Variants in EPPK1 observed in about 807,000 individuals in gnomAD.
The protein encoded by EPPK1 is epiplakin 1.
For missense variants in EPPK1, 3,823 were observed against 3,673.3 expected (o/e 1.04, Z -1.05); for synonymous variants, 1,862 against 1,721.2 (o/e 1.08, Z -2.03).
At position 143,867,619 on chromosome 8, in the gene EPPK1, C is replaced by G. The variant is rs782312316; in HGVS notation, c.5635G>C (p.Gly1879Arg). The G allele has an allele frequency of 6.2e-7, 1 of 1,613,308 alleles. No individual in the cohort carries two copies. The highest frequency in any genetic ancestry group is 1.7e-5 in the Admixed American group (1 of 60,028). The part of the protein sequence containing the change: ...TLHTLRVGRT[G>R]GQALSTLECV... The stretch of plus-strand genomic sequence containing the variant: ...TCCAGCGTGCTGAGTGCCTGTCCCC[C>G]AGTCCTCCCCACACGAAGTGTGTGC... The change falls in exon 2 of 2, where the codon GGG becomes CGG. Residue 1879 changes from glycine (G) to arginine (R), a missense_variant. Transcript: ENST00000615648.
intron 1 of EPPK1, among the ~76,000 whole-genome samples, chr8:143,878,125 CT>C (rs1436774128): frequency 6.6e-6 from 1 of 152,112 alleles, no homozygotes; most frequent in Non-Finnish European, 1.5e-5. Context: ...ACCCCCGCCC[CT>C]GGCCGCCTCT....
rs782022570 is a variant in EPPK1 at position 143,870,328 on chromosome 8, G to A, written c.2926C>T (p.Pro976Ser). 13 of 1,561,542 alleles carry A rather than the reference G, an allele frequency of 8.3e-6. No individual in the cohort carries two copies. Among genetic ancestry groups the A allele is most frequent in the Middle Eastern group, 3.4e-4 (2 of 5,832 alleles). The change falls in exon 2 of 2, where the codon CCT (proline) becomes TCT (serine). Residue 976 changes from proline to serine, a missense_variant. By Grantham distance (74) the Pro-to-Ser change is moderately conservative. Coordinates refer to ENST00000615648, the MANE Select transcript of EPPK1 (RefSeq NM_031308.4). The surrounding 1 kb of genome is among the most constrained non-coding windows in gnomAD (Gnocchi z 5.2). Reference sequence around the variant, plus strand: ...ACCGAGAGGCTCTCTGGGCTGTGAGGGTCCATGATGGTTCCGGTGGCCGCC... The same window carrying A: ...ACCGAGAGGCTCTCTGGGCTGTGAGAGTCCATGATGGTTCCGGTGGCCGCC... The part of the protein sequence containing the change: ...AQAATGTIMD[P>S]HSPESLSVDE...
chr8:143,869,462 C>G lies in EPPK1; in HGVS notation c.3792G>C (p.Gln1264His), dbSNP rs1586693906. The G allele has an allele frequency of 6.4e-7, 1 of 1,556,388 alleles. No individual in the cohort carries two copies. The highest frequency in any genetic ancestry group is 1.4e-5 in the African/African-American group (1 of 73,458). ...QPSGAKASIA[Q>H]AVRDGLLPTG... ...TGGGCAGGAGGCCATCCCTCACGGC[C>G]TGGGCGATGCTGGCCTTGGCCCCAG... Residue 1264 changes from glutamine to histidine, a missense_variant, in exon 2 of 2, where the codon CAG (glutamine) becomes CAC (histidine). Coordinates refer to ENST00000615648, the MANE Select transcript of EPPK1 (RefSeq NM_031308.4).
At chr8:143,875,785 G>A (rs924455097) in intron 1 of EPPK1, among the ~76,000 whole-genome samples, 3 of 152,258 alleles carry the variant, frequency 2.0e-5, no homozygotes, top group Admixed American at 6.5e-5. Flanking sequence ...ACTTCCTGAA[G>A]GCACAGCCGG....
At position 143,868,185 on chromosome 8, in the gene EPPK1, A is replaced by G; in HGVS notation, c.5069T>C (p.Ile1690Thr). ...GCGGTGGCTGTGCACGGGGTCGATG[A>G]TGCCGCCCGTGGCGATCTGGGCCTC... is the stretch of plus-strand genomic sequence containing the variant. The part of the protein sequence containing the change: ...LLEAQIATGG[I>T]IDPVHSHRVP... Residue 1690 changes from isoleucine (I) to threonine (T), a missense_variant, in exon 2 of 2, where the codon ATC (isoleucine) becomes ACC (threonine). Coordinates refer to ENST00000615648, the MANE Select transcript of EPPK1 (RefSeq NM_031308.4). 1 of 1,613,048 alleles carries G rather than the reference A, an allele frequency of 6.2e-7. No homozygotes were observed. The highest frequency in any genetic ancestry group is 8.5e-7 in the Non-Finnish European group (1 of 1,179,978).
intron 1 of EPPK1, among the ~76,000 whole-genome samples, chr8:143,878,187 A>AG (rs1819518041): frequency 6.6e-6 from 1 of 151,220 alleles, no homozygotes. Context: ...CCCGGGACTC[A>AG]GGGGCGCCAC....
Position 143,866,903 on chromosome 8 carries a change from G to A in EPPK1, c.6351C>T (p.Gly2117=). ...GTAGTGCCCACAGTGTTGGTTTCTG[G>A]CCTCTGAACCTTCCCACTGTGATTT... The part of the protein sequence containing the change: ...QVEITVGRFR[G]QKPTLWALLN... The change falls in exon 2 of 2, where the codon GGC becomes GGT. Residue 2117 remains glycine, a synonymous_variant. Coordinates refer to ENST00000615648, the MANE Select transcript of EPPK1 (RefSeq NM_031308.4). 6.2e-7 allele frequency: 1 copy of A among 1,613,064 alleles called. No homozygotes were observed. Among genetic ancestry groups the A allele is most frequent in the Non-Finnish European group, 8.5e-7 (1 of 1,179,864 alleles).
At position 143,857,706 on chromosome 8, in the gene EPPK1, C is replaced by T; in HGVS notation, c.*281G>A. 2.5e-6 allele frequency: 1 copy of T among 394,818 alleles called. No homozygotes were observed. The highest frequency in any genetic ancestry group is 3.8e-5 in the East Asian group (1 of 26,188). The allele number at this position is 394,818 out of a possible 1,614,324, so 24.5% of individuals were successfully genotyped here. On this transcript the variant is annotated 3_prime_UTR_variant, in exon 2 of 2. Coordinates refer to ENST00000615648, the MANE Select transcript of EPPK1 (RefSeq NM_031308.4). ...TAAAATGGAAGCAGTGAATCCAAAA[C>T]AGACAGAAAAATGTTCTGAAAACGA... is the stretch of plus-strand genomic sequence containing the variant.
At position 143,869,041 on chromosome 8, in the gene EPPK1, C is replaced by T; in HGVS notation, c.4213G>A (p.Asp1405Asn). The change falls in exon 2 of 2, where the codon GAC (aspartate) becomes AAC (asparagine). Residue 1405 changes from aspartate (D) to asparagine (N), a missense_variant. Physicochemically the swap from Asp to Asn is conservative, Grantham distance 23. Transcript: ENST00000615648. Reference protein sequence around the residue: ...AVDKDNKFFFDPSARDQVTYQ... With the variant: ...AVDKDNKFFFNPSARDQVTYQ... ...GTCACCTGGTCCCGCGCACTGGGGTCAAAGAAGAACTTGTTGTCCTTGTCA... is the reference window on the plus strand; with the variant it reads ...GTCACCTGGTCCCGCGCACTGGGGTTAAAGAAGAACTTGTTGTCCTTGTCA... The T allele has an allele frequency of 1.2e-6, 2 of 1,609,692 alleles. No individual in the cohort carries two copies. Among genetic ancestry groups the T allele is most frequent in the African/African-American group, 1.3e-5 (1 of 75,048 alleles).
rs1554661862 is a variant in EPPK1, at chr8:143,873,123, G to A, written c.131C>T (p.Ala44Val). 3 of 1,576,630 alleles carry A rather than the reference G, an allele frequency of 1.9e-6. No homozygotes were observed. The highest frequency in any genetic ancestry group is 1.4e-5 in the African/African-American group (1 of 74,038). Residue 44 changes from alanine to valine, a missense_variant, in exon 2 of 2, where the codon GCT (alanine) becomes GTT (valine). Physicochemically the swap from Ala to Val is moderately conservative, Grantham distance 64. Transcript: ENST00000615648. ...GCCCGAGGCCTCCACATACACCCCA[G>A]CTATGCTCCTGGCCTGGGGCCTGGG... ...TPPRPQARSI[A>V]GVYVEASGQA...
At position 143,872,773 on chromosome 8, in the gene EPPK1, C is replaced by G; in HGVS notation, c.481G>C (p.Val161Leu). The G allele has an allele frequency of 6.3e-7, 1 of 1,580,528 alleles. No homozygotes were observed. Among genetic ancestry groups the G allele is most frequent in the Non-Finnish European group, 8.6e-7 (1 of 1,159,436 alleles). ...ACGAGCACTCCCTGGGCGGGGTCCA[C>G]CAGGCCCCCAGTGGCCAGTTGGACC... ...LEVQLATGGLVDPAQGVLVAP... is the reference protein window; with the variant it reads ...LEVQLATGGLLDPAQGVLVAP... The change falls in exon 2 of 2, where the codon GTG becomes CTG. Residue 161 changes from valine (V) to leucine (L), a missense_variant. By Grantham distance (32) the Val-to-Leu change is conservative. Coordinates refer to ENST00000615648, the MANE Select transcript of EPPK1 (RefSeq NM_031308.4).
chr8:143,877,869 T>C (rs1819511259), intron 1 of EPPK1, among the ~76,000 whole-genome samples: 1 of 151,902 alleles, frequency 6.6e-6, no homozygotes, highest in Admixed American at 6.6e-5. Flanking sequence ...CCTTCCTGCC[T>C]CTGCCTCCCA....
In EPPK1 at chr8:143,871,206, G is replaced by A. The variant is rs530405726; in HGVS notation, c.2048C>T (p.Ser683Leu). Residue 683 changes from serine (S) to leucine (L), a missense_variant, in exon 2 of 2, where the codon TCG (serine) becomes TTG (leucine). By Grantham distance (145) the Ser-to-Leu change is moderately radical. Transcript: ENST00000615648. ...IGPDVFAKLL[S>L]AERAVTGYTD... The stretch of plus-strand genomic sequence containing the variant: ...GTAGCCAGTGACAGCGCGCTCAGCC[G>A]ACAGCAGCTTCGCGAACACATCAGG... The A allele has an allele frequency of 6.9e-5, 112 of 1,613,250 alleles. 2 individuals carry two copies. In the South Asian group the frequency reaches 1.0e-3, roughly 15 times the overall value.
rs1199415515 is a variant in EPPK1 at position 143,878,457 on chromosome 8, T to C, written c.-65A>G. The C allele has an allele frequency of 6.6e-5, 7 of 106,004 alleles. No homozygotes were observed. The highest frequency in any genetic ancestry group is 3.3e-4 in the Admixed American group (4 of 12,002). The allele number at this position is 106,004 out of a possible 1,614,324, so 6.6% of individuals were successfully genotyped here. A position where few individuals can be genotyped will look rare whatever the true frequency, so the allele number is the denominator to read the frequency against. On this transcript the variant is annotated 5_prime_UTR_variant, in exon 1 of 2. Transcript: ENST00000615648. ...CCGCACCTGCCCGCTCGCCGCTCGG[T>C]CCGCAGTGTCTCCGCGCGCCCGCTC...
chr8:143,869,324 G>T lies in EPPK1; in HGVS notation c.3930C>A (p.Gly1310=). Residue 1310 remains glycine, a synonymous_variant, in exon 2 of 2, where the codon GGC becomes GGA. Transcript: ENST00000615648. The part of the protein sequence containing the change: ...VEDAVKVGLV[G]RELSEQLGQA... ...GCCCGAGCTGCTCACTCAGCTCCCT[G>T]CCCACCAGGCCGACCTTAACCGCGT... 1 of 1,606,584 alleles carries T rather than the reference G, an allele frequency of 6.2e-7. No homozygotes were observed.
chr8:143,871,547 T>C lies in EPPK1; in HGVS notation c.1707A>G (p.Pro569=). 1 of 1,610,252 alleles carries C rather than the reference T, an allele frequency of 6.2e-7. No individual in the cohort carries two copies. ...TGATCTCGGCTTTCAGCAGCTCTCC[T>C]GGTGTCACGGTGTCCCTCAGCCCAG... ...TFSGLRDTVT[P]GELLKAEIID... is the part of the protein sequence containing the mutation. The change falls in exon 2 of 2, where the codon CCA becomes CCG. Residue 569 remains proline (P), a synonymous_variant. Transcript: ENST00000615648.
intron 1 of EPPK1, among the ~76,000 whole-genome samples, chr8:143,876,999 A>G (rs1819494607): frequency 6.6e-6 from 1 of 152,268 alleles, no homozygotes; most frequent in Admixed American, 6.5e-5. Context: ...AAGCTCAGGC[A>G]AGTGGCTCAA....
rs1554661257 is a variant in EPPK1 at position 143,871,660 on chromosome 8, G to A, written c.1594C>T (p.Gln532Ter). ...EQRAMLAQQY[Q>*]EGTLSVEKLA... is the part of the protein sequence containing the mutation. Reference sequence around the variant, plus strand: ...TTCTCCACGGAGAGGGTCCCTTCCTGGTACTGCTGGGCCAGCATCGCCCTC... The same window carrying A: ...TTCTCCACGGAGAGGGTCCCTTCCTAGTACTGCTGGGCCAGCATCGCCCTC... The change falls in exon 2 of 2, where the codon CAG becomes TAG. Residue 532 changes from glutamine to a stop codon, truncating the protein, a stop_gained. Transcript: ENST00000615648. LOFTEE classifies it low-confidence loss of function (END_TRUNC). 5.6e-6 allele frequency: 9 copies of A among 1,602,330 alleles called. No homozygotes were observed. Among genetic ancestry groups the A allele is most frequent in the Non-Finnish European group, 6.0e-6 (7 of 1,176,186 alleles).
chr8:143,867,146 C>G lies in EPPK1; in HGVS notation c.6108G>C (p.Leu2036=). ...PLETAYRRGC[L]HKDIYALISD... is the part of the protein sequence containing the mutation. ...AAATGAGCGCATAGATGTCCTTGTG[C>G]AGACAGCCCCGTCTGTAGGCTGTTT... Residue 2036 remains leucine, a synonymous_variant, in exon 2 of 2, where the codon CTG becomes CTC. Transcript: ENST00000615648. 6.2e-7 allele frequency: 1 copy of G among 1,612,680 alleles called. No homozygotes were observed.
Sources: allele counts gnomAD v4.1 joint callset (sites outside exome capture counted in the v4.1 genomes callset), GRCh38; gene constraint gnomAD v4.1.1; non-coding constraint Gnocchi (gnomAD v3.1); transcripts MANE v1.5; gene names NCBI Gene and HGNC (gene_info 2026-07-23, HGNC 2026-07-21).